EPHB1: variants seen among roughly 807,000 people sequenced by gnomAD.
EPHB1 encodes EPH receptor B1.
Under a neutral mutation model 94.4 loss-of-function variants are expected in EPHB1, and 30 were observed. The ratio of observed to expected loss-of-function variants is 0.32; its 90% confidence interval spans 0.24 to 0.43. The LOEUF (loss-of-function observed/expected upper bound fraction) is 0.43. EPHB1 is among the 20% of genes least tolerant of loss of function. EPHB1 has a pLI of 1.00. For missense variants in EPHB1, 1,055 were observed against 1,308.3 expected (o/e 0.81, Z 2.99); for synonymous variants, 522 against 489.1 (o/e 1.07, Z -0.89).
At chr3:135,244,819 T>G (rs533790953) in intron 13 of EPHB1, among the ~76,000 whole-genome samples, 4 of 152,356 alleles carry the variant, frequency 2.6e-5, no homozygotes, top group Admixed American at 2.6e-4. Flanking sequence ...TTCAAAGACT[T>G]GAGTGGATAA....
At chr3:134,797,962 C>G (rs1209049935) in intron 1 of EPHB1, among the ~76,000 whole-genome samples, 1 of 152,264 alleles carries the variant, frequency 6.6e-6, no homozygotes, top group African/African-American at 2.4e-5. Flanking sequence ...TTTCTACTCT[C>G]TACACACGGA....
intron 1 of EPHB1, among the ~76,000 whole-genome samples, chr3:134,815,915 G>A (rs761040063): frequency 1.9e-4 from 29 of 152,218 alleles, no homozygotes; most frequent in Middle Eastern, 3.4e-3. Flanking sequence ...TTGTTATTGT[G>A]CCATATTTAT....
intron 3 of EPHB1, among the ~76,000 whole-genome samples, chr3:134,998,119 G>T (rs760593947): frequency 6.6e-6 from 1 of 152,234 alleles, no homozygotes; most frequent in Non-Finnish European, 1.5e-5. Flanking sequence ...TGGCACGGCA[G>T]ATCTAAAGCA....
intron 1 of EPHB1, among the ~76,000 whole-genome samples, chr3:134,847,061 C>G (rs1176424933): frequency 2.0e-5 from 3 of 152,076 alleles, no homozygotes; most frequent in African/African-American, 7.2e-5. Flanking sequence ...GCATTCCTTT[C>G]TGAGGGGTCA....
intron 9 of EPHB1, among the ~76,000 whole-genome samples, chr3:135,172,048 T>C (rs137965984): frequency 2.5e-4 from 38 of 152,318 alleles, no homozygotes; most frequent in African/African-American, 8.4e-4. Context: ...AACAGTGTCT[T>C]CTGTGTGGTA....
chr3:134,856,703 A>G (rs2037127761), intron 1 of EPHB1, among the ~76,000 whole-genome samples: 1 of 152,228 alleles, frequency 6.6e-6, no homozygotes, highest in Non-Finnish European at 1.5e-5. Flanking sequence ...TAGTATGAAA[A>G]AAACAAGAAA....
At chr3:135,239,314 A>G (rs1227577091) in intron 12 of EPHB1, among the ~76,000 whole-genome samples, 1 of 152,090 alleles carries the variant, frequency 6.6e-6, no homozygotes, top group African/African-American at 2.4e-5. Context: ...GCTCGGGTTA[A>G]CCATTTTTAC....
chr3:134,971,645 C>T (rs1933971864), intron 3 of EPHB1, among the ~76,000 whole-genome samples: 1 of 152,272 alleles, frequency 6.6e-6, no homozygotes, highest in South Asian at 2.1e-4. Context: ...TTCCTCAATG[C>T]AGGGACACTA....
At chr3:134,850,549 G>T (rs573285880) in intron 1 of EPHB1, among the ~76,000 whole-genome samples, 1 of 152,226 alleles carries the variant, frequency 6.6e-6, no homozygotes, top group Non-Finnish European at 1.5e-5. Flanking sequence ...ACTGTTCACC[G>T]TCGGGTGGGG....
At chr3:134,971,989 G>T (rs1933987619) in intron 3 of EPHB1, among the ~76,000 whole-genome samples, 1 of 152,170 alleles carries the variant, frequency 6.6e-6, no homozygotes, top group South Asian at 2.1e-4. Flanking sequence ...GTATTTTAAT[G>T]AAGACTCCCA....
intron 1 of EPHB1, among the ~76,000 whole-genome samples, chr3:134,877,144 C>T (rs1036998300): frequency 2.0e-5 from 3 of 152,146 alleles, no homozygotes; most frequent in Non-Finnish European, 2.9e-5. Context: ...TGGCAATAGG[C>T]GTAGACCCTT....
chr3:135,130,054 C>T (rs1312278302), intron 4 of EPHB1, among the ~76,000 whole-genome samples: 1 of 152,186 alleles, frequency 6.6e-6, no homozygotes, highest in East Asian at 1.9e-4. Flanking sequence ...TGCAGAAGAA[C>T]GCTATGACTC....
chr3:135,236,711 T>C (rs763593348), intron 12 of EPHB1, among the ~76,000 whole-genome samples: 1 of 152,146 alleles, frequency 6.6e-6, no homozygotes, highest in African/African-American at 2.4e-5. Context: ...ACAGAAATAT[T>C]TGGTGAACAA....
At chr3:135,036,382 C>T (rs114720061) in intron 3 of EPHB1, among the ~76,000 whole-genome samples, 1,692 of 152,256 alleles carry the variant, frequency 0.011, 14 homozygotes, top group Non-Finnish European at 0.016. Context: ...CCATCCAAAC[C>T]GGTCAGGATG....
intron 4 of EPHB1, among the ~76,000 whole-genome samples, chr3:135,126,680 C>T (rs905399128): frequency 6.6e-6 from 1 of 152,180 alleles, no homozygotes; most frequent in Non-Finnish European, 1.5e-5. Flanking sequence ...GTGACAGGTA[C>T]CAGAGATCAT....
At chr3:135,243,074 CAAAAA>C (rs397933477) in intron 13 of EPHB1, among the ~76,000 whole-genome samples, 3 of 98,370 alleles carry the variant, frequency 3.0e-5, no homozygotes, top group Admixed American at 1.2e-4. Flanking sequence ...GACCCTGTCT[CAAAAA>C]AAAAAAAAAA....
intron 3 of EPHB1, among the ~76,000 whole-genome samples, chr3:135,044,211 T>G (rs990107591): frequency 1.3e-5 from 2 of 152,198 alleles, no homozygotes; most frequent in African/African-American, 4.8e-5. Context: ...AGAATCCTGA[T>G]GCTTTGTGGG....
intron 12 of EPHB1, among the ~76,000 whole-genome samples, chr3:135,219,428 C>A (rs1943228590): frequency 6.6e-6 from 1 of 151,644 alleles, no homozygotes. Context: ...CAAAGACACA[C>A]AAGGAGAAGA....
chr3:134,941,758 C>CACACAG (rs1165142929), intron 2 of EPHB1, among the ~76,000 whole-genome samples: 44 of 70,126 alleles, frequency 6.3e-4, no homozygotes, highest in South Asian at 3.6e-3. Context: ...CACAGACACA[C>CACACAG]ACACACACAC....
Sources: gnomAD v4.1 joint callset for allele counts (sites outside exome capture counted in the v4.1 genomes callset) on GRCh38, gnomAD v4.1.1 for gene constraint, MANE v1.5 for transcripts, NCBI Gene and HGNC (gene_info 2026-07-23, HGNC 2026-07-21) for gene names.